MEMO1: variants seen among roughly 807,000 people sequenced by gnomAD.
The protein encoded by MEMO1 is mediator of cell motility 1.
MEMO1 carries 6 observed loss-of-function variants against 45.2 expected under a neutral mutation model. That is an observed-to-expected ratio of 0.13 (90% CI 0.07 to 0.26). MEMO1 has a LOEUF of 0.26. Among genes scored for constraint, MEMO1 ranks in the 10% least tolerant of loss-of-function variants. MEMO1 has a pLI of 1.00. For synonymous variants in MEMO1, 78 were observed against 124.3 expected (o/e 0.63, Z 2.48); for missense variants, 184 against 370.5 (o/e 0.50, Z 4.13).
chr2:31,902,431 A>G (rs1267687326), intron 6 of MEMO1, among the ~76,000 whole-genome samples: 1 of 152,130 alleles, frequency 6.6e-6, no homozygotes, highest in Non-Finnish European at 1.5e-5. Flanking sequence ...GAACTCTTAC[A>G]TGAGTGAATT....
At chr2:31,901,622 T>C (rs1678831952) in intron 6 of MEMO1, among the ~76,000 whole-genome samples, 1 of 151,848 alleles carries the variant, frequency 6.6e-6, no homozygotes, top group Admixed American at 6.6e-5. Context: ...GAAAACATGT[T>C]CTGGCCAGGC....
intron 2 of MEMO1, among the ~76,000 whole-genome samples, chr2:31,981,124 T>C (rs974756372): frequency 6.6e-6 from 1 of 152,238 alleles, no homozygotes; most frequent in Non-Finnish European, 1.5e-5. Context: ...TACAGAGTTT[T>C]AGAAGAAAAC....
In MEMO1 at chr2:31,869,954, T is replaced by TAAAAAAAAA. The variant is rs76850690; in HGVS notation, c.658-11_658-3dup. 1.0e-6 allele frequency: 1 copy of TAAAAAAAAA among 957,792 alleles called. No homozygotes were observed. 59.3% of individuals were successfully genotyped at this position (957,792 alleles called of 1,614,324 possible). On this transcript the variant is annotated splice_polypyrimidine_tract_variant and splice_region_variant and intron_variant, in intron 8 of 9. Transcript: ENST00000404530. ...TAATTGTTCTATAATACTCATACCC[T>TAAAAAAAAA]AAAAAAAAAAAAAAAGAAGAGGAAG...
At chr2:31,941,947 T>C (rs973488261) in intron 3 of MEMO1, among the ~76,000 whole-genome samples, 1 of 152,228 alleles carries the variant, frequency 6.6e-6, no homozygotes, top group Non-Finnish European at 1.5e-5. Flanking sequence ...TTATATATTG[T>C]CATCACTATT....
intron 2 of MEMO1, among the ~76,000 whole-genome samples, chr2:31,964,169 A>G (rs1034728257): frequency 1.3e-5 from 2 of 152,202 alleles, no homozygotes; most frequent in Admixed American, 1.3e-4. Context: ...AACGTTGAAC[A>G]CCATCGCAGC....
At chr2:31,920,523 T>C (rs1264723158) in intron 5 of MEMO1, among the ~76,000 whole-genome samples, 1 of 152,186 alleles carries the variant, frequency 6.6e-6, no homozygotes, top group African/African-American at 2.4e-5. Context: ...CCTGGTACAC[T>C]GAGTACATGG....
chr2:31,920,760 T>C (rs761600544), intron 5 of MEMO1, 38 bp downstream of exon 5: 6 of 1,187,626 alleles, frequency 5.1e-6, no homozygotes, highest in Non-Finnish European at 7.0e-6. Flanking sequence ...TAAAAGAACA[T>C]TAGCTATTTG....
intron 3 of MEMO1, among the ~76,000 whole-genome samples, 169 bp downstream of exon 3, chr2:31,943,133 C>T (rs1665804143): frequency 6.6e-6 from 1 of 152,042 alleles, no homozygotes; most frequent in African/African-American, 2.4e-5. Context: ...GGTGTGGTGG[C>T]ACACGCCTGT....
At chr2:31,888,491 G>C (rs1029338963) in intron 7 of MEMO1, among the ~76,000 whole-genome samples, 9 of 151,968 alleles carry the variant, frequency 5.9e-5, no homozygotes, top group African/African-American at 2.2e-4. Flanking sequence ...TGAGAAAACA[G>C]AATGAAAATT....
At chr2:31,970,445 A>C (rs1304090340) in intron 2 of MEMO1, among the ~76,000 whole-genome samples, 6 of 152,068 alleles carry the variant, frequency 3.9e-5, no homozygotes, top group Admixed American at 3.3e-4. Context: ...TTAGCCAACT[A>C]CTCAAGCAGT....
chr2:31,884,127 A>G (rs1048414511), intron 7 of MEMO1, among the ~76,000 whole-genome samples: 2 of 152,118 alleles, frequency 1.3e-5, no homozygotes, highest in African/African-American at 4.8e-5. Context: ...AGAACATTCA[A>G]TGTTTTGGCT....
At chr2:31,934,568 G>A (rs936897312) in intron 3 of MEMO1, among the ~76,000 whole-genome samples, 7 of 152,080 alleles carry the variant, frequency 4.6e-5, no homozygotes, top group African/African-American at 1.7e-4. Context: ...TTAAGGAAGG[G>A]CCTAAAGACT....
At chr2:31,984,385 G>A (rs1197444443) in intron 2 of MEMO1, among the ~76,000 whole-genome samples, 1 of 152,208 alleles carries the variant, frequency 6.6e-6, no homozygotes, top group Non-Finnish European at 1.5e-5. Flanking sequence ...CAAAATGCCT[G>A]ACAGTGTCTC....
chr2:31,999,901 T>G (rs1160978991), intron 2 of MEMO1, among the ~76,000 whole-genome samples: 2 of 150,090 alleles, frequency 1.3e-5, no homozygotes, highest in African/African-American at 5.0e-5. Flanking sequence ...TTTTTTTTTT[T>G]TGGACAAATC....
At chr2:31,917,677 C>T (rs1681669357) in intron 6 of MEMO1, among the ~76,000 whole-genome samples, 1 of 152,198 alleles carries the variant, frequency 6.6e-6, no homozygotes, top group Admixed American at 6.5e-5. Flanking sequence ...TACATACCCA[C>T]ATACACTCAC....
intron 6 of MEMO1, among the ~76,000 whole-genome samples, chr2:31,913,807 T>C (rs888298717): frequency 6.6e-6 from 1 of 152,160 alleles, no homozygotes; most frequent in African/African-American, 2.4e-5. Context: ...CCACAGTTTC[T>C]ACAAATCCAA....
intron 2 of MEMO1, among the ~76,000 whole-genome samples, chr2:31,947,265 T>A (rs1390955498): frequency 6.6e-6 from 1 of 152,234 alleles, no homozygotes; most frequent in Non-Finnish European, 1.5e-5. Context: ...AGCTTTCATA[T>A]GGCTACTTCT....
chr2:32,001,900 C>T (rs1334193841), intron 2 of MEMO1, among the ~76,000 whole-genome samples: 8 of 150,978 alleles, frequency 5.3e-5, no homozygotes, highest in East Asian at 1.9e-4. Context: ...GCAATCCCAG[C>T]GCCTTGGGAG....
At chr2:31,968,863 T>C (rs1668941997) in intron 2 of MEMO1, among the ~76,000 whole-genome samples, 1 of 152,138 alleles carries the variant, frequency 6.6e-6, no homozygotes, top group Admixed American at 6.6e-5. Flanking sequence ...TTTTTAACTC[T>C]TTCTTCTCAT....
Sources: gnomAD v4.1 joint callset for allele counts (sites outside exome capture counted in the v4.1 genomes callset) on GRCh38, gnomAD v4.1.1 for gene constraint, MANE v1.5 for transcripts, NCBI Gene and HGNC (gene_info 2026-07-23, HGNC 2026-07-21) for gene names.